The following ERBIN variants were observed in gnomAD, a reference collection of about 807,000 sequenced individuals.
ERBIN encodes the protein erbb2 interacting protein, also known as densin-180-like protein.
In ERBIN, 60 loss-of-function variants were observed where a neutral mutation model predicts 158.4. The ratio of observed to expected loss-of-function variants is 0.38; its 90% CI spans 0.31 to 0.47. The LOEUF (loss-of-function observed/expected upper bound fraction) is 0.47, where lower values mean the gene tolerates loss of function less well. Ranked by LOEUF, ERBIN falls within the 20% of genes least tolerant of loss-of-function variation. The pLI, the probability that ERBIN is intolerant of heterozygous loss-of-function variation, is 0.99. For synonymous variants in ERBIN, 594 were observed against 557.2 expected (o/e 1.07, Z -0.93); for missense variants, 1,610 against 1,648.0 (o/e 0.98, Z 0.40).
chr5:66,055,191 T>C (rs1759468118), intron 21 of ERBIN: 1 of 956,820 alleles, frequency 1.0e-6, no homozygotes. Context: ...TTTTATATGT[T>C]TATGTGTCTG....
chr5:66,025,954 T>C lies in ERBIN; in HGVS notation c.997T>C (p.Tyr333His). The C allele has an allele frequency of 6.3e-7, 1 of 1,587,346 alleles. No homozygotes were observed. Among genetic ancestry groups the C allele is most frequent in the Non-Finnish European group, 8.5e-7 (1 of 1,170,056 alleles). ...AAGAACTTTTGCTGCTGATCATAATTACTTACAGCAGTTGCCCCCAGAGGT... is the reference window on the plus strand; with the variant it reads ...AAGAACTTTTGCTGCTGATCATAATCACTTACAGCAGTTGCCCCCAGAGGT... ...NLRTFAADHN[Y>H]LQQLPPEIGS... The change falls in exon 12 of 26, where the codon TAC becomes CAC. Residue 333 changes from tyrosine to histidine, a missense_variant. Tyr to His is a moderately conservative substitution (Grantham distance 83). Coordinates refer to ENST00000284037, the MANE Select transcript of ERBIN (RefSeq NM_001253697.2).
At chr5:66,020,513 AT>A (rs904120528) in intron 7 of ERBIN, among the ~76,000 whole-genome samples, 107 of 152,126 alleles carry the variant, frequency 7.0e-4, no homozygotes, top group African/African-American at 2.6e-3. Flanking sequence ...TTAATACAGA[AT>A]TTCTTATCTG....
At chr5:65,941,445 T>C (rs1348956387) in intron 1 of ERBIN, among the ~76,000 whole-genome samples, 1 of 152,168 alleles carries the variant, frequency 6.6e-6, no homozygotes, top group African/African-American at 2.4e-5. Context: ...GTGCATAGGT[T>C]ATATACAAAT....
At chr5:66,074,398 A>G (rs1259364143) in intron 22 of ERBIN, among the ~76,000 whole-genome samples, 7 of 145,612 alleles carry the variant, frequency 4.8e-5, no homozygotes, top group Non-Finnish European at 7.4e-5. Context: ...TTTATGGCTA[A>G]TAGTCTATGG....
intron 19 of ERBIN, among the ~76,000 whole-genome samples, chr5:66,050,226 C>CTATTTTTTT (rs1758879604): frequency 1.0e-4 from 1 of 9,738 alleles, no homozygotes; most frequent in African/African-American, 5.3e-4. Context: ...AAATCGAATT[C>CTATTTTTTT]TTTTTTTTTT....
chr5:66,006,197 A>G (rs772970122), intron 4 of ERBIN, among the ~76,000 whole-genome samples: 9 of 152,224 alleles, frequency 5.9e-5, no homozygotes, highest in Non-Finnish European at 5.9e-5. Context: ...AAACAGAGAT[A>G]AAGACCAATG....
intron 1 of ERBIN, among the ~76,000 whole-genome samples, chr5:65,944,301 T>G (rs1745466733): frequency 6.6e-6 from 1 of 152,062 alleles, no homozygotes; most frequent in Non-Finnish European, 1.5e-5. Flanking sequence ...GAGTTCCAGT[T>G]TCTCTACATC....
At chr5:66,052,852 A>T (rs1759183107) in intron 20 of ERBIN, among the ~76,000 whole-genome samples, 1 of 152,162 alleles carries the variant, frequency 6.6e-6, no homozygotes, top group African/African-American at 2.4e-5. Flanking sequence ...TTGATGTTAA[A>T]CTTTGGACAA....
intron 1 of ERBIN, among the ~76,000 whole-genome samples, chr5:65,963,628 CTACTT>C (rs1561302295): frequency 1.3e-5 from 2 of 151,864 alleles, no homozygotes; most frequent in Admixed American, 6.6e-5. Flanking sequence ...ACAAAAAAAA[CTACTT>C]TACATGAAAT....
intron 1 of ERBIN, among the ~76,000 whole-genome samples, chr5:65,947,125 T>C (rs1280795556): frequency 2.0e-5 from 3 of 152,212 alleles, no homozygotes; most frequent in East Asian, 1.9e-4. Flanking sequence ...TATTATTCTT[T>C]TATGGATTGT....
intron 1 of ERBIN, among the ~76,000 whole-genome samples, chr5:65,981,815 A>G (rs975107679): frequency 2.0e-5 from 3 of 152,180 alleles, no homozygotes; most frequent in Non-Finnish European, 2.9e-5. Context: ...GCAACATTCA[A>G]AGAAGGTAAA....
intron 24 of ERBIN, 37 bp from the exon 25 acceptor site, chr5:66,076,838 A>T: frequency 6.9e-7 from 1 of 1,454,850 alleles, no homozygotes; most frequent in Non-Finnish European, 9.6e-7. Flanking sequence ...ATTTATACAT[A>T]CTGTTTTTAG....
At chr5:66,009,426 A>G (rs1329148744) in intron 4 of ERBIN, among the ~76,000 whole-genome samples, 1 of 152,256 alleles carries the variant, frequency 6.6e-6, no homozygotes, top group East Asian at 1.9e-4. Context: ...ACAAAGGTAC[A>G]ATGTGCTGAA....
Position 66,012,651 on chromosome 5 carries a change from G to C in ERBIN, c.386+524G>C, listed in dbSNP as rs952427383. ...TAAACAAAGTTTTCCTGGCACCAAG[G>C]CTGTTAAGTTTTGGAAAAATTGAAT... On this transcript the variant is annotated intron_variant, in intron 5 of 25. Transcript: ENST00000284037. Among the ~76,000 whole-genome samples the C allele has an allele frequency of 9.2e-5, 14 of 152,184 alleles. 1 individual carries two copies. Among genetic ancestry groups the C allele is most frequent in the African/African-American group, 3.4e-4 (14 of 41,444 alleles).
intron 14 of ERBIN, among the ~76,000 whole-genome samples, chr5:66,031,631 G>A (rs1756888575): frequency 6.6e-6 from 1 of 152,188 alleles, no homozygotes; most frequent in African/African-American, 2.4e-5. Context: ...CCGAGTTTGA[G>A]ACCAACCTGG....
At position 66,037,228 on chromosome 5, in the gene ERBIN, G is replaced by T. The variant is rs562275844; in HGVS notation, c.1207-1155G>T. 3.9e-5 allele frequency among the ~76,000 whole-genome samples: 6 copies of T among 152,172 alleles called. No homozygotes were observed. In the South Asian group the frequency reaches 1.2e-3, roughly 32 times the overall value. The stretch of plus-strand genomic sequence containing the variant: ...TTACTCGTGACTTTGGAAAAATTTG[G>T]TGTAAAAGAGCCAGGAATAGATGAA... On this transcript the variant is annotated intron_variant, in intron 14 of 25. Coordinates refer to ENST00000284037, the MANE Select transcript of ERBIN (RefSeq NM_001253697.2).
chr5:66,003,076 G>A (rs1263576366), intron 4 of ERBIN, among the ~76,000 whole-genome samples: 1 of 152,172 alleles, frequency 6.6e-6, no homozygotes, highest in African/African-American at 2.4e-5. Context: ...TCATACATGT[G>A]TTATCCTCTG....
chr5:66,005,111 G>A (rs1489238126), intron 4 of ERBIN, among the ~76,000 whole-genome samples: 1 of 152,104 alleles, frequency 6.6e-6, no homozygotes, highest in Non-Finnish European at 1.5e-5. Context: ...GGAACTGTGG[G>A]CATGTGGGTG....
chr5:65,952,262 T>G (rs1044535732), intron 1 of ERBIN, among the ~76,000 whole-genome samples: 2 of 152,136 alleles, frequency 1.3e-5, no homozygotes, highest in African/African-American at 2.4e-5. Context: ...TCTATTAATC[T>G]GGGGGAAAAA....
Sources: allele counts gnomAD v4.1 joint callset (sites outside exome capture counted in the v4.1 genomes callset), GRCh38; gene constraint gnomAD v4.1.1; transcripts MANE v1.5; gene names NCBI Gene and HGNC (gene_info 2026-07-23, HGNC 2026-07-21).